Variants in FAM171B observed in about 807,000 individuals in gnomAD.
The protein encoded by FAM171B is protein FAM171B.
In FAM171B, 19 loss-of-function variants were observed where a neutral mutation model predicts 75.6. That is an observed-to-expected ratio of 0.25 (90% CI 0.18 to 0.37). The LOEUF is 0.37. Ranked by LOEUF, FAM171B falls within the 10% of genes least tolerant of loss-of-function variation. The pLI is 1.00. For synonymous variants in FAM171B, 367 were observed against 361.7 expected (o/e 1.01, Z -0.17); for missense variants, 848 against 982.4 (o/e 0.86, Z 1.83).
chr2:186,721,959 A>G (rs1448563833), intron 1 of FAM171B, among the ~76,000 whole-genome samples: 1 of 152,056 alleles, frequency 6.6e-6, no homozygotes, highest in Non-Finnish European at 1.5e-5. Context: ...CAACGTTGGA[A>G]TAAGATTGAA....
At chr2:186,704,166 G>T (rs375679605) in intron 1 of FAM171B, among the ~76,000 whole-genome samples, 1 of 151,968 alleles carries the variant, frequency 6.6e-6, no homozygotes, top group East Asian at 1.9e-4. Context: ...TGATTCTGGA[G>T]GTTTAGCAGA....
chr2:186,765,199 A>G lies in FAM171B; in HGVS notation c.*2376A>G, dbSNP rs545231887. 6.6e-6 allele frequency: 1 copy of G among 152,180 alleles called. No individual in the cohort carries two copies. Among genetic ancestry groups the G allele is most frequent in the South Asian group, 2.1e-4 (1 of 4,826 alleles). 9.4% of individuals were successfully genotyped at this position (152,180 alleles called of 1,614,324 possible). A position where few individuals can be genotyped will look rare whatever the true frequency, so the allele number is the denominator to read the frequency against. On this transcript the variant is annotated 3_prime_UTR_variant, in exon 8 of 8. Transcript: ENST00000304698. ...CTACTTTTTCTTAACCCAAGTGATA[A>G]TAAACAATATTCACAACTTTCTTAA... is the stretch of plus-strand genomic sequence containing the variant.
At chr2:186,747,631 T>C (rs2105788557) in intron 4 of FAM171B, among the ~76,000 whole-genome samples, 1 of 152,248 alleles carries the variant, frequency 6.6e-6, no homozygotes, top group Non-Finnish European at 1.5e-5. Flanking sequence ...GATGTATTCA[T>C]TTTTATCCAA....
intron 1 of FAM171B, among the ~76,000 whole-genome samples, chr2:186,710,367 G>A (rs971212832): frequency 4.6e-5 from 7 of 152,220 alleles, no homozygotes; most frequent in African/African-American, 1.7e-4. Flanking sequence ...AAGAGGCAAT[G>A]TATAAATCTG....
chr2:186,719,028 C>G (rs978269037), intron 1 of FAM171B, among the ~76,000 whole-genome samples: 2 of 152,164 alleles, frequency 1.3e-5, no homozygotes, highest in African/African-American at 2.4e-5. Flanking sequence ...CTTTAAGGCA[C>G]TCAATGTTCT....
In FAM171B at chr2:186,694,233, G is replaced by A. The variant is rs2276562; in HGVS notation, c.60G>A (p.Leu20=). 0.24 allele frequency: 390,924 copies of A among 1,610,444 alleles called. 55,385 individuals are homozygous for A. The highest frequency in any genetic ancestry group is 0.75 in the East Asian group (33,392 of 44,798). The change falls in exon 1 of 8, where the codon CTG becomes CTA. Residue 20 remains leucine, a synonymous_variant. Transcript: ENST00000304698. The stretch of plus-strand genomic sequence containing the variant: ...TGCTTCTCGGCCTGGCCGTGGTGCT[G>A]CTGAAAGCGCGGCTGGTCCCCGCGG... ...CTLLLGLAVV[L]LKARLVPAAA...
chr2:186,744,016 G>A (rs1221253223), intron 3 of FAM171B, among the ~76,000 whole-genome samples: 6 of 152,102 alleles, frequency 3.9e-5, no homozygotes, highest in Non-Finnish European at 2.9e-5. Context: ...CTCTGTAGAC[G>A]TGATTTGCCT....
In FAM171B at chr2:186,765,782, C is replaced by T. The variant is rs1432011992; in HGVS notation, c.*2959C>T. The T allele has an allele frequency of 4.6e-5, 7 of 152,058 alleles. No individual in the cohort carries two copies. The highest frequency in any genetic ancestry group is 1.7e-4 in the African/African-American group (7 of 41,436). 9.4% of individuals were successfully genotyped at this position (152,058 alleles called of 1,614,324 possible). A position where few individuals can be genotyped will look rare whatever the true frequency, so the allele number is the denominator to read the frequency against. ...ATTTCTATTTCAGATCTAGAATTGA[C>T]ATTTTGCCTTCTTGTTTCCAGGTGT... On this transcript the variant is annotated 3_prime_UTR_variant, in exon 8 of 8. Transcript: ENST00000304698.
intron 1 of FAM171B, among the ~76,000 whole-genome samples, chr2:186,703,072 T>TACACAC (rs1259307617): frequency 2.2e-4 from 27 of 122,178 alleles, no homozygotes; most frequent in African/African-American, 9.4e-4. Flanking sequence ...TGTATATATA[T>TACACAC]ATATACACAC....
chr2:186,695,857 TTG>T (rs1231526448), intron 1 of FAM171B, among the ~76,000 whole-genome samples: 4 of 152,220 alleles, frequency 2.6e-5, no homozygotes, highest in Non-Finnish European at 1.5e-5. Context: ...ATCAGATTGA[TTG>T]GCCTCATTAA....
intron 1 of FAM171B, among the ~76,000 whole-genome samples, chr2:186,696,398 C>T (rs1268679025): frequency 6.7e-6 from 1 of 149,998 alleles, no homozygotes; most frequent in African/African-American, 2.5e-5. Context: ...TTGAACTGGT[C>T]TTCCTGTTTC....
In FAM171B at chr2:186,761,958, T is replaced by C. The variant is rs776245738; in HGVS notation, c.1616T>C (p.Ile539Thr). The C allele has an allele frequency of 1.2e-6, 2 of 1,613,472 alleles. No homozygotes were observed. Among genetic ancestry groups the C allele is most frequent in the South Asian group, 1.1e-5 (1 of 91,068 alleles). ...CTTATGCATATTTACAGCCAACCCATTGCCATCCTTCAAACATCTGACCTT... is the reference window on the plus strand; with the variant it reads ...CTTATGCATATTTACAGCCAACCCACTGCCATCCTTCAAACATCTGACCTT... ...EQLMHIYSQP[I>T]AILQTSDLFS... Residue 539 changes from isoleucine (I) to threonine (T), a missense_variant, in exon 8 of 8, where the codon ATT (isoleucine) becomes ACT (threonine). Coordinates refer to ENST00000304698, the MANE Select transcript of FAM171B (RefSeq NM_177454.4).
In FAM171B at chr2:186,725,207, G is replaced by A. The variant is rs915792742; in HGVS notation, c.239-15021G>A. ...AAAATACAAAAAATTAGCCGGGCGT[G>A]GTGGCAGGCACCTGTAGTCCCAGCT... On this transcript the variant is annotated intron_variant, in intron 1 of 7. Coordinates refer to ENST00000304698, the MANE Select transcript of FAM171B (RefSeq NM_177454.4). Among the ~76,000 whole-genome samples, 95 of 152,114 alleles carry A rather than the reference G, an allele frequency of 6.2e-4. 1 individual carries two copies. Among genetic ancestry groups the A allele is most frequent in the East Asian group, 2.3e-3 (12 of 5,148 alleles).
At chr2:186,700,482 A>C (rs1294252188) in intron 1 of FAM171B, among the ~76,000 whole-genome samples, 1 of 152,108 alleles carries the variant, frequency 6.6e-6, no homozygotes, top group African/African-American at 2.4e-5. Flanking sequence ...ATTTTATAGA[A>C]CTTCACAAAA....
Position 186,762,591 on chromosome 2 carries a change from C to A in FAM171B, c.2249C>A (p.Thr750Asn). 1 of 1,613,380 alleles carries A rather than the reference C, an allele frequency of 6.2e-7. No individual in the cohort carries two copies. The highest frequency in any genetic ancestry group is 8.5e-7 in the Non-Finnish European group (1 of 1,179,654). The change falls in exon 8 of 8, where the codon ACC (threonine) becomes AAC (asparagine). Residue 750 changes from threonine to asparagine, a missense_variant. Thr to Asn is a moderately conservative substitution (Grantham distance 65, BLOSUM62 0). Around this residue, in one of 3 missense-constraint regions of FAM171B, gnomAD observed 136 missense variants for 159.3 expected, o/e 0.85. Coordinates refer to ENST00000304698, the MANE Select transcript of FAM171B (RefSeq NM_177454.4). This position sits in a 1 kb window ranked among gnomAD's most constrained non-coding sequence, Gnocchi z 4.0. ...DLDLSSSESG[T>N]TVCSPEDPAL... ...GACCTAAGCAGCAGTGAGAGTGGAA[C>A]CACCGTCTGTTCCCCTGAGGACCCA...
At chr2:186,703,224 C>T (rs1036103522) in intron 1 of FAM171B, among the ~76,000 whole-genome samples, 2 of 152,002 alleles carry the variant, frequency 1.3e-5, no homozygotes, top group Non-Finnish European at 2.9e-5. Flanking sequence ...GGATTACAGG[C>T]GTGAGCCACT....
chr2:186,761,253 A>T lies in FAM171B; in HGVS notation c.1136+17A>T, dbSNP rs1667165905. ...TTATTGCAGGTAAGAAAATGGCTAT[A>T]AACACAGAAAACTATCAAGTTATGG... On this transcript the variant is annotated intron_variant, in intron 7 of 7. Coordinates refer to ENST00000304698, the MANE Select transcript of FAM171B (RefSeq NM_177454.4). 1 of 1,610,104 alleles carries T rather than the reference A, an allele frequency of 6.2e-7. No homozygotes were observed. Among genetic ancestry groups the T allele is most frequent in the Non-Finnish European group, 8.5e-7 (1 of 1,178,558 alleles).
chr2:186,727,870 A>G (rs987526527), intron 1 of FAM171B, among the ~76,000 whole-genome samples: 1 of 152,144 alleles, frequency 6.6e-6, no homozygotes, highest in Non-Finnish European at 1.5e-5. Flanking sequence ...AGTTATATGT[A>G]TCTATATTAT....
intron 1 of FAM171B, among the ~76,000 whole-genome samples, chr2:186,729,202 T>C (rs1438575128): frequency 6.6e-6 from 1 of 152,198 alleles, no homozygotes; most frequent in African/African-American, 2.4e-5. Context: ...TTATATGTTT[T>C]CTAAGGGTGC....
Sources: gnomAD v4.1 joint callset for allele counts (sites outside exome capture counted in the v4.1 genomes callset) on GRCh38, gnomAD v4.1.1 for gene constraint, gnomAD v4.1.1 regional missense constraint, Gnocchi (gnomAD v3.1) non-coding constraint, MANE v1.5 for transcripts, NCBI Gene and HGNC (gene_info 2026-07-23, HGNC 2026-07-21) for gene names.